Variants in ITGA9 observed in about 807,000 individuals in gnomAD.
ITGA9 encodes integrin alpha-9.
ITGA9 carries 56 observed loss-of-function variants against 127.8 expected under a neutral mutation model. That is an observed-to-expected ratio of 0.44 (90% CI 0.35 to 0.55). The LOEUF is 0.55. Ranked by LOEUF, ITGA9 falls within the 20% of genes least tolerant of loss-of-function variation. The pLI is 0.00. For synonymous variants in ITGA9, 508 were observed against 514.5 expected (o/e 0.99, Z 0.17); for missense variants, 1,196 against 1,347.1 (o/e 0.89, Z 1.76).
At chr3:37,640,996 G>C (rs758197150) in intron 16 of ITGA9, among the ~76,000 whole-genome samples, 2 of 152,192 alleles carry the variant, frequency 1.3e-5, no homozygotes, top group African/African-American at 2.4e-5. Flanking sequence ...GAGCAGGTCT[G>C]ACCTGGGCTC....
rs1559524725 is a variant in ITGA9, at chr3:37,512,107, TC to T, written c.898-1654del. On this transcript the variant is annotated intron_variant, in intron 8 of 27. Transcript: ENST00000264741. ...TTCCTTCCTTCCTTCCTTCCTTCCTTCCTTCCTTCCTTCTTTCTTTTCTTTT... is the reference window on the plus strand; with the variant it reads ...TTCCTTCCTTCCTTCCTTCCTTCCTTCTTCCTTCCTTCTTTCTTTTCTTTT... Among the ~76,000 whole-genome samples the T allele has an allele frequency of 4.4e-4, 53 of 119,942 alleles. 5 individuals carry two copies. The highest frequency in any genetic ancestry group is 1.7e-3 in the African/African-American group (49 of 29,186). 78.7% of individuals were successfully genotyped at this position (119,942 alleles called of 152,430 possible).
chr3:37,557,597 A>G (rs531412424), intron 15 of ITGA9, among the ~76,000 whole-genome samples: 1 of 152,288 alleles, frequency 6.6e-6, no homozygotes, highest in East Asian at 1.9e-4. Flanking sequence ...GGTGACAGAG[A>G]GTTGCTTCTT....
At chr3:37,501,112 C>A (rs930427439) in intron 5 of ITGA9, among the ~76,000 whole-genome samples, 10 of 152,042 alleles carry the variant, frequency 6.6e-5, no homozygotes, top group Non-Finnish European at 1.3e-4. Flanking sequence ...GCCCAATAAA[C>A]ATTGTTGAGT....
chr3:37,801,423 C>T (rs1005709896), intron 26 of ITGA9, among the ~76,000 whole-genome samples: 4 of 152,172 alleles, frequency 2.6e-5, no homozygotes, highest in African/African-American at 9.7e-5. Context: ...GAGCTATACA[C>T]TTAGGATACC....
rs577114000 is a variant in ITGA9, at chr3:37,573,128, A to AT, written c.1689+30552dup. On this transcript the variant is annotated intron_variant, in intron 15 of 27. Transcript: ENST00000264741. ...ACAGGCAGTTAATGACAGAGCTGGG[A>AT]TTTTTTTTTGTGGAGGAATAGGGGA... 4.4e-4 allele frequency: 67 copies of AT among 151,646 alleles called. 1 individual carries two copies. Among genetic ancestry groups the AT allele is most frequent in the African/African-American group, 6.5e-4 (27 of 41,360 alleles). The allele number at this position is 151,646 out of a possible 1,614,324, so 9.4% of individuals were successfully genotyped here.
chr3:37,453,705 G>A (rs1296365080), intron 1 of ITGA9, among the ~76,000 whole-genome samples: 5 of 152,180 alleles, frequency 3.3e-5, no homozygotes, highest in Non-Finnish European at 7.3e-5. Context: ...CTCTCAGCAT[G>A]TAGTTATGCA....
Position 37,629,264 on chromosome 3 carries a change from G to A in ITGA9, c.1767G>A (p.Glu589=). Residue 589 remains glutamate, a synonymous_variant, in exon 16 of 28, where the codon GAG becomes GAA. Coordinates refer to ENST00000264741, the MANE Select transcript of ITGA9 (RefSeq NM_002207.3). This position sits in a 1 kb window ranked among gnomAD's most constrained non-coding sequence, Gnocchi z 4.5. ...YSLSEHVTGE[E]ERELPPLTPV... ...TCAGTGAGCATGTGACTGGAGAGGA[G>A]GAGAGGGAACTGCCGCCTCTGACAC... The A allele has an allele frequency of 6.2e-7, 1 of 1,614,046 alleles. No homozygotes were observed. The highest frequency in any genetic ancestry group is 8.5e-7 in the Non-Finnish European group (1 of 1,180,028).
intron 10 of ITGA9, among the ~76,000 whole-genome samples, chr3:37,518,093 C>CGCGTGTGTGTGTGTGTGTGT (rs368577036): frequency 1.7e-4 from 24 of 144,210 alleles, no homozygotes; most frequent in East Asian, 4.2e-4. Context: ...AGAGTGTACG[C>CGCGTGTGTGTGTGTGTGTGT]GTGTGTGTGT....
chr3:37,543,757 G>A (rs761402337), intron 15 of ITGA9, among the ~76,000 whole-genome samples: 3 of 152,190 alleles, frequency 2.0e-5, no homozygotes, highest in Non-Finnish European at 2.9e-5. Context: ...GCTGTGTATA[G>A]AGAGATGCCC....
chr3:37,460,654 ATCTCG>A (rs1698306821), intron 1 of ITGA9, among the ~76,000 whole-genome samples: 1 of 136,370 alleles, frequency 7.3e-6, no homozygotes, highest in African/African-American at 2.9e-5. Flanking sequence ...CAGTGGTGCG[ATCTCG>A]GCTCACTGCG....
rs559033371 is a variant in ITGA9 at position 37,793,562 on chromosome 3, G to A, written c.2889+8484G>A. ...AACAAGTATTGAAGGAATTTCCCAC[G>A]TGGACAAGGAAGATCAGGCATTCAA... is the stretch of plus-strand genomic sequence containing the variant. On this transcript the variant is annotated intron_variant, in intron 26 of 27. Coordinates refer to ENST00000264741, the MANE Select transcript of ITGA9 (RefSeq NM_002207.3). 8.7e-4 allele frequency among the ~76,000 whole-genome samples: 132 copies of A among 152,074 alleles called. 1 individual carries two copies. In the South Asian group the frequency reaches 0.024, roughly 28 times the overall value.
At chr3:37,495,435 C>T (rs7612420) in intron 5 of ITGA9, among the ~76,000 whole-genome samples, 7,284 of 152,246 alleles carry the variant, frequency 0.048, 476 homozygotes, top group South Asian at 0.2. Flanking sequence ...ATCAGTTCCT[C>T]CTCTCTCAAA....
intron 15 of ITGA9, among the ~76,000 whole-genome samples, chr3:37,569,987 A>G (rs1262633033): frequency 6.6e-6 from 1 of 152,286 alleles, no homozygotes. Context: ...TTGAGAATGC[A>G]TATCATTGAA....
chr3:37,815,539 G>T (rs968499252), intron 27 of ITGA9, among the ~76,000 whole-genome samples: 1 of 151,720 alleles, frequency 6.6e-6, no homozygotes, highest in African/African-American at 2.4e-5. Flanking sequence ...AACCTGGGAG[G>T]CAGAGGTTGC....
chr3:37,767,210 C>T (rs1269227200), intron 23 of ITGA9, among the ~76,000 whole-genome samples: 1 of 152,190 alleles, frequency 6.6e-6, no homozygotes, highest in East Asian at 1.9e-4. Context: ...GAAATAATGG[C>T]AGCCTCATAC....
intron 10 of ITGA9, among the ~76,000 whole-genome samples, chr3:37,518,093 CGTGT>C (rs55842055): frequency 7.4e-4 from 107 of 144,202 alleles, no homozygotes; most frequent in Non-Finnish European, 1.4e-3. Context: ...AGAGTGTACG[CGTGT>C]GTGTGTGTGT....
chr3:37,596,052 C>T (rs552859723), intron 15 of ITGA9, among the ~76,000 whole-genome samples: 92 of 152,314 alleles, frequency 6.0e-4, no homozygotes, highest in African/African-American at 2.1e-3. Context: ...AGACATAGAC[C>T]TTACCCTTCT....
chr3:37,526,405 A>G (rs2162356), intron 13 of ITGA9, among the ~76,000 whole-genome samples: 15,073 of 152,248 alleles, frequency 0.099, 922 homozygotes, highest in African/African-American at 0.18. Flanking sequence ...AGAACCTTCC[A>G]TAATGTGCCA....
chr3:37,613,278 A>G (rs560905296), intron 15 of ITGA9, among the ~76,000 whole-genome samples: 1 of 152,254 alleles, frequency 6.6e-6, no homozygotes, highest in Non-Finnish European at 1.5e-5. Flanking sequence ...CCATGTCCCT[A>G]CAAAGGACAT....
Sources: gnomAD v4.1 joint callset for allele counts (sites outside exome capture counted in the v4.1 genomes callset) on GRCh38, gnomAD v4.1.1 for gene constraint, Gnocchi (gnomAD v3.1) non-coding constraint, MANE v1.5 for transcripts, NCBI Gene and HGNC (gene_info 2026-07-23, HGNC 2026-07-21) for gene names.